TMEM74: variants seen among roughly 807,000 people sequenced by gnomAD.
The protein encoded by TMEM74 is transmembrane protein 74.
TMEM74 carries 13 observed loss-of-function variants against 18.1 expected under a neutral mutation model. The observed-to-expected ratio is 0.72, with a 90% CI of 0.47 to 1.14. The LOEUF (loss-of-function observed/expected upper bound fraction) is 1.14. TMEM74 is among the 50% of genes most tolerant of loss of function. The probability of loss-of-function intolerance (pLI) is 0.00; values close to 1 mark genes in which losing one functional copy is unlikely to be tolerated. For missense variants in TMEM74, 372 were observed against 375.9 expected, an observed-to-expected ratio of 0.99 and a Z score of 0.09; for synonymous variants, 159 against 146.6, an observed-to-expected ratio of 1.08 and a Z score of -0.61.
intron 1 of TMEM74, among the ~76,000 whole-genome samples, chr8:108,749,620 T>C (rs928352682): frequency 7.9e-5 from 12 of 152,282 alleles, no homozygotes; most frequent in African/African-American, 2.9e-4. Context: ...ACTTCCTCTC[T>C]TCCTATTTGG....
At chr8:108,682,354 A>G (rs1813123626) in intron 1 of TMEM74, among the ~76,000 whole-genome samples, 1 of 152,046 alleles carries the variant, frequency 6.6e-6, no homozygotes, top group Non-Finnish European at 1.5e-5. Context: ...TCACTTTTCA[A>G]AGAGATTTTC....
chr8:108,617,704 C>T (rs1314851013), intron 2 of TMEM74, among the ~76,000 whole-genome samples: 3 of 151,852 alleles, frequency 2.0e-5, no homozygotes, highest in African/African-American at 7.3e-5. Context: ...ATATAAGGAG[C>T]CCTAGGGAGA....
At chr8:108,625,151 T>G (rs1385879904) in intron 2 of TMEM74, among the ~76,000 whole-genome samples, 1 of 151,928 alleles carries the variant, frequency 6.6e-6, no homozygotes, top group Non-Finnish European at 1.5e-5. Context: ...TGGGAGACTT[T>G]GACCTAGACC....
chr8:108,636,268 G>A (rs1812605883), intron 2 of TMEM74, among the ~76,000 whole-genome samples: 1 of 152,038 alleles, frequency 6.6e-6, no homozygotes, highest in Non-Finnish European at 1.5e-5. Context: ...TAGCCTGTAT[G>A]AGGAGCCCAG....
At chr8:108,618,736 G>A (rs1352055130) in intron 2 of TMEM74, among the ~76,000 whole-genome samples, 1 of 152,172 alleles carries the variant, frequency 6.6e-6, no homozygotes, top group Non-Finnish European at 1.5e-5. Flanking sequence ...TCTGAGAGGA[G>A]TTACTTATGT....
At chr8:108,637,475 G>C (rs994691778) in intron 2 of TMEM74, among the ~76,000 whole-genome samples, 10 of 152,036 alleles carry the variant, frequency 6.6e-5, no homozygotes, top group Admixed American at 1.3e-4. Flanking sequence ...TTATCTGAGT[G>C]GGCCCAGTAT....
Position 108,781,326 on chromosome 8 carries a change from A to C in TMEM74, c.*2855T>G, listed in dbSNP as rs371544334. ...GTATTGTATGCCCAATGTCTATAGA[A>C]TGCATCACCTGGTCTTGCCAAAGTA... On this transcript the variant is annotated 3_prime_UTR_variant, in exon 2 of 2. Coordinates refer to ENST00000297459, the MANE Select transcript of TMEM74 (RefSeq NM_153015.3). Among the ~76,000 whole-genome samples, 47 of 152,330 alleles carry C rather than the reference A, an allele frequency of 3.1e-4. No individual in the cohort carries two copies. Among genetic ancestry groups the C allele is most frequent in the African/African-American group, 1.1e-3 (47 of 41,584 alleles).
At chr8:108,657,856 AAAAATAT>A (rs1235309213) in intron 1 of TMEM74, among the ~76,000 whole-genome samples, 1 of 69,810 alleles carries the variant, frequency 1.4e-5, no homozygotes, top group African/African-American at 6.8e-5. Context: ...AAAAAAAAAA[AAAAATAT>A]ATATATATAT....
chr8:108,760,223 A>G (rs1277660102), intron 1 of TMEM74, among the ~76,000 whole-genome samples: 1 of 151,958 alleles, frequency 6.6e-6, no homozygotes, highest in East Asian at 1.9e-4. Context: ...TATGACATTC[A>G]GAGCACTTTG....
intron 2 of TMEM74, among the ~76,000 whole-genome samples, chr8:108,650,095 A>G (rs1812759075): frequency 6.6e-6 from 1 of 152,076 alleles, no homozygotes; most frequent in Non-Finnish European, 1.5e-5. Context: ...CATACTTCTT[A>G]TTACCTATGA....
chr8:108,749,841 A>C (rs540963882), intron 1 of TMEM74, among the ~76,000 whole-genome samples: 1 of 152,204 alleles, frequency 6.6e-6, no homozygotes, highest in East Asian at 1.9e-4. Context: ...TTATTAGAAA[A>C]ATGATGTCAG....
chr8:108,646,081 G>GTT (rs765519153), intron 2 of TMEM74, among the ~76,000 whole-genome samples: 29 of 138,800 alleles, frequency 2.1e-4, no homozygotes, highest in Admixed American at 2.2e-4. Flanking sequence ...TGTTCACGAA[G>GTT]TTTTTTTTTT....
intron 1 of TMEM74, among the ~76,000 whole-genome samples, chr8:108,770,334 G>A (rs1253673822): frequency 6.6e-6 from 1 of 152,138 alleles, no homozygotes. Flanking sequence ...ACTGCAACTG[G>A]ATAGAGGTCA....
chr8:108,670,195 C>A (rs1163005323), intron 1 of TMEM74, among the ~76,000 whole-genome samples: 1 of 152,026 alleles, frequency 6.6e-6, no homozygotes, highest in Admixed American at 6.6e-5. Context: ...TGTCAAAAGT[C>A]CTTTCTTTAT....
At chr8:108,648,303 G>A (rs1812740908) in intron 2 of TMEM74, among the ~76,000 whole-genome samples, 1 of 152,016 alleles carries the variant, frequency 6.6e-6, no homozygotes, top group African/African-American at 2.4e-5. Flanking sequence ...AGACCACTAT[G>A]TTTTTATGAG....
At chr8:108,761,712 A>G (rs1814047047) in intron 1 of TMEM74, among the ~76,000 whole-genome samples, 1 of 152,164 alleles carries the variant, frequency 6.6e-6, no homozygotes, top group African/African-American at 2.4e-5. Flanking sequence ...TGGGTGGTAT[A>G]ACTGAGTTTT....
At chr8:108,620,801 C>T (rs1315106680) in intron 2 of TMEM74, among the ~76,000 whole-genome samples, 2 of 152,074 alleles carry the variant, frequency 1.3e-5, no homozygotes, top group Non-Finnish European at 1.5e-5. Context: ...CTTTCACATC[C>T]CTACTTTGCC....
At chr8:108,735,235 T>C (rs566592473) in intron 1 of TMEM74, among the ~76,000 whole-genome samples, 6 of 152,324 alleles carry the variant, frequency 3.9e-5, no homozygotes, top group African/African-American at 1.4e-4. Context: ...AATTCACCTA[T>C]TTAATTGTAT....
intron 2 of TMEM74, among the ~76,000 whole-genome samples, chr8:108,625,039 G>A (rs565439374): frequency 3.9e-5 from 6 of 152,040 alleles, no homozygotes; most frequent in Admixed American, 2.0e-4. Flanking sequence ...CCCACAGAAT[G>A]TTCTGTCTTG....
Sources: gnomAD v4.1 joint callset for allele counts (sites outside exome capture counted in the v4.1 genomes callset) on GRCh38, gnomAD v4.1.1 for gene constraint, MANE v1.5 for transcripts, NCBI Gene and HGNC (gene_info 2026-07-23, HGNC 2026-07-21) for gene names.